DEF8: variants seen among roughly 807,000 people sequenced by gnomAD.
DEF8 encodes the protein DEF-8.
DEF8 carries 38 observed loss-of-function variants against 59.1 expected under a neutral mutation model. That is an observed-to-expected ratio of 0.64 (90% CI 0.50 to 0.84). The LOEUF (loss-of-function observed/expected upper bound fraction) is 0.84, where lower values mean the gene tolerates loss of function less well. DEF8 is among the 40% of genes least tolerant of loss of function. The pLI is 0.00. For missense variants in DEF8, 557 were observed against 615.2 expected, an observed-to-expected ratio of 0.91 and a Z score of 1.00; for synonymous variants, 265 against 250.1, an observed-to-expected ratio of 1.06 and a Z score of -0.56.
At chr16:89,959,366 A>G in intron 6 of DEF8, 2 of 1,434,730 alleles carry the variant, frequency 1.4e-6, no homozygotes, top group African/African-American at 2.9e-5. Flanking sequence ...AGTGAATTAC[A>G]TGGTGTGTCT....
rs1567776448 is a variant in DEF8, at chr16:89,948,870, CGGGGCCGGCGGGGACG to C, written c.-108+60_-108+75del. On this transcript the variant is annotated intron_variant, in intron 1 of 12. Coordinates refer to ENST00000563594, the MANE Select transcript of DEF8 (RefSeq NM_001242818.2). ...CCGGCGGGGACGGGGCCGGCGGGGA[CGGGGCCGGCGGGGACG>C]GGGTCGGCGGGGTCGGGGCTGGGAG... 1.8e-4 allele frequency: 74 copies of C among 415,490 alleles called. 1 individual carries two copies. In the African/African-American group the frequency reaches 3.8e-3, roughly 21 times the overall value. 25.7% of individuals were successfully genotyped at this position (415,490 alleles called of 1,614,324 possible).
At position 89,957,631 on chromosome 16, in the gene DEF8, C is replaced by T. The variant is rs1298883367; in HGVS notation, c.343C>T (p.His115Tyr). ...GAAGGATGCCGTGGTGCGACTCATC[C>T]ACCTCCGGCTGAAGCTCCAGGAGCT... ...KQKDAVVRLI[H>Y]LRLKLQELKD... Residue 115 changes from histidine to tyrosine, a missense_variant, in exon 5 of 13, where the codon CAC becomes TAC. His to Tyr is a moderately conservative substitution (Grantham distance 83). Coordinates refer to ENST00000563594, the MANE Select transcript of DEF8 (RefSeq NM_001242818.2). 2.8e-5 allele frequency: 44 copies of T among 1,571,278 alleles called. No homozygotes were observed. The highest frequency in any genetic ancestry group is 3.5e-5 in the Non-Finnish European group (40 of 1,158,418).
Position 89,962,109 on chromosome 16 carries a change from A to T in DEF8, c.905A>T (p.Glu302Val). ...CCTCTGCTGTTCAGCTACGTGGAGG[A>T]GCTGGTGGAGATTCGCGTGAGGCTG... The part of the protein sequence containing the change: ...INPLLFSYVE[E>V]LVEIRKLRQD... The change falls in exon 9 of 13, where the codon GAG becomes GTG. Residue 302 changes from glutamate to valine, a missense_variant. By Grantham distance (121) the Glu-to-Val change is moderately radical. Transcript: ENST00000563594. The T allele has an allele frequency of 6.2e-7, 1 of 1,612,410 alleles. No individual in the cohort carries two copies. Among genetic ancestry groups the T allele is most frequent in the Non-Finnish European group, 8.5e-7 (1 of 1,179,678 alleles).
At chr16:89,960,277 G>A (rs1367841762) in intron 6 of DEF8, among the ~76,000 whole-genome samples, 1 of 152,162 alleles carries the variant, frequency 6.6e-6, no homozygotes, top group Non-Finnish European at 1.5e-5. Flanking sequence ...TGATTGGGCT[G>A]GGGTAGGTGG....
At chr16:89,963,576 A>T in intron 10 of DEF8, 133 bp downstream of exon 10, 1 of 666,234 alleles carries the variant, frequency 1.5e-6, no homozygotes, top group Non-Finnish European at 2.5e-6. Context: ...CACGGTCCCA[A>T]GGAACAAAGC....
chr16:89,960,873 G>C, intron 6 of DEF8, 58 bp from the exon 7 acceptor site: 1 of 1,568,878 alleles, frequency 6.4e-7, no homozygotes, highest in Non-Finnish European at 8.7e-7. Flanking sequence ...GCTGAGGGTG[G>C]CCTGGGCTGC....
At position 89,954,481 on chromosome 16, in the gene DEF8, C is replaced by T. The variant is rs1374706013; in HGVS notation, c.124+105C>T. On this transcript the variant is annotated intron_variant, in intron 3 of 12. Coordinates refer to ENST00000563594, the MANE Select transcript of DEF8 (RefSeq NM_001242818.2). The surrounding 1 kb of genome is among the most constrained non-coding windows in gnomAD (Gnocchi z 4.3). ...GTCCTGCGCAGCCCTGGCTTTCCCA[C>T]GGAGCCGGCACCTGCTGGCTGTGTT... The T allele has an allele frequency of 1.2e-5, 16 of 1,306,442 alleles. No homozygotes were observed. The highest frequency in any genetic ancestry group is 7.0e-5 in the South Asian group (5 of 71,094). 80.9% of individuals were successfully genotyped at this position (1,306,442 alleles called of 1,614,324 possible). A position where few individuals can be genotyped will look rare whatever the true frequency, so the allele number is the denominator to read the frequency against.
chr16:89,961,984 A>T, intron 8 of DEF8, 28 bp from the exon 9 acceptor site: 1 of 1,612,406 alleles, frequency 6.2e-7, no homozygotes. Flanking sequence ...GGTGGGTGTG[A>T]GAGGTGTCAC....
chr16:89,950,916 G>A (rs2031923248), intron 2 of DEF8, among the ~76,000 whole-genome samples: 1 of 152,188 alleles, frequency 6.6e-6, no homozygotes, highest in South Asian at 2.1e-4. Context: ...AGGAGTTTGA[G>A]GCTGCAGTGA....
chr16:89,963,922 G>A (rs1258505120), intron 10 of DEF8: 1 of 603,090 alleles, frequency 1.7e-6, no homozygotes, highest in Non-Finnish European at 3.1e-6. Context: ...GTGCGGGGAT[G>A]CGGTGTGGCT....
chr16:89,957,669 G>T lies in DEF8; in HGVS notation c.372+9G>T. The T allele has an allele frequency of 6.5e-7, 1 of 1,544,100 alleles. No homozygotes were observed. Among genetic ancestry groups the T allele is most frequent in the African/African-American group, 1.4e-5 (1 of 73,390 alleles). ...AGCTCCAGGAGCTGAAGGTGGGTGT[G>T]GGGCCGCCCCGCCGTGGGGCAGCCT... On this transcript the variant is annotated intron_variant, in intron 5 of 12. Coordinates refer to ENST00000563594, the MANE Select transcript of DEF8 (RefSeq NM_001242818.2).
At chr16:89,948,996 C>CGGCGGGGTCGGGGCT in intron 1 of DEF8, among the ~76,000 whole-genome samples, 182 bp downstream of exon 1, 1 of 59,324 alleles carries the variant, frequency 1.7e-5, no homozygotes, top group Non-Finnish European at 3.0e-5. Flanking sequence ...GGGACGGGGC[C>CGGCGGGGTCGGGGCT]GGCGGGGTCG....
chr16:89,959,743 C>T (rs565264360), intron 6 of DEF8, among the ~76,000 whole-genome samples: 6 of 152,292 alleles, frequency 3.9e-5, no homozygotes, highest in Non-Finnish European at 2.9e-5. Flanking sequence ...GTGTTCCGTC[C>T]ACCTCGGCCT....
At chr16:89,949,025 CCGGCGGGGACGGGGT>C (rs1228161825) in intron 1 of DEF8, among the ~76,000 whole-genome samples, 1 of 52,080 alleles carries the variant, frequency 1.9e-5, no homozygotes, top group Non-Finnish European at 3.4e-5. Flanking sequence ...AGGGACGGGG[CCGGCGGGGACGGGGT>C]CGGCGGGGTC....
At position 89,964,039 on chromosome 16, in the gene DEF8, C is replaced by G. The variant is rs544349413; in HGVS notation, c.1003-131C>G. The G allele has an allele frequency of 5.1e-5, 65 of 1,268,224 alleles. 1 individual carries two copies. In the African/African-American group the frequency reaches 9.0e-4, roughly 18 times the overall value. 78.6% of individuals were successfully genotyped at this position (1,268,224 alleles called of 1,614,324 possible). A position where few individuals can be genotyped will look rare whatever the true frequency, so the allele number is the denominator to read the frequency against. On this transcript the variant is annotated intron_variant, in intron 10 of 12. Transcript: ENST00000563594. The stretch of plus-strand genomic sequence containing the variant: ...CTTCCTGGGGCTCCTGGATTCTACT[C>G]CTGGGGCCCAGACCCTTGTGTAGCT...
In DEF8 at chr16:89,966,927, C is replaced by T. The variant is rs2034634108; in HGVS notation, c.*964C>T. Reference sequence around the variant, plus strand: ...AGCCAATGGCCTTTTGTTTGGGGGCCTGAGGTCAAGAGAGCTGAGAGTATT... The same window carrying T: ...AGCCAATGGCCTTTTGTTTGGGGGCTTGAGGTCAAGAGAGCTGAGAGTATT... On this transcript the variant is annotated 3_prime_UTR_variant, in exon 13 of 13. Coordinates refer to ENST00000563594, the MANE Select transcript of DEF8 (RefSeq NM_001242818.2). The T allele has an allele frequency of 5.2e-6, 1 of 191,528 alleles. No individual in the cohort carries two copies. The highest frequency in any genetic ancestry group is 1.1e-5 in the Non-Finnish European group (1 of 94,300). The allele number at this position is 191,528 out of a possible 1,614,324, so 11.9% of individuals were successfully genotyped here. A position where few individuals can be genotyped will look rare whatever the true frequency, so the allele number is the denominator to read the frequency against.
At chr16:89,965,430 G>A (rs558747905) in intron 12 of DEF8, among the ~76,000 whole-genome samples, 17 of 152,352 alleles carry the variant, frequency 1.1e-4, no homozygotes, top group East Asian at 1.9e-4. Context: ...CGAGCTAGTC[G>A]TTTGCTCAGT....
rs920682781 is a variant in DEF8 at position 89,954,430 on chromosome 16, G to C, written c.124+54G>C. On this transcript the variant is annotated intron_variant, in intron 3 of 12. Coordinates refer to ENST00000563594, the MANE Select transcript of DEF8 (RefSeq NM_001242818.2). This position sits in a 1 kb window ranked among gnomAD's most constrained non-coding sequence, Gnocchi z 4.3. ...GCTGGGCAGGTCTCTGACTGCTTACGTGGACCCCTCCTTTCTTCCTGCCGC... is the reference window on the plus strand; with the variant it reads ...GCTGGGCAGGTCTCTGACTGCTTACCTGGACCCCTCCTTTCTTCCTGCCGC... The C allele has an allele frequency of 1.9e-6, 3 of 1,579,826 alleles. No homozygotes were observed. Among genetic ancestry groups the C allele is most frequent in the Admixed American group, 3.6e-5 (2 of 55,624 alleles).
rs766672741 is a variant in DEF8, at chr16:89,962,101, C to CGT, written c.899_900dup (p.Glu301TrpfsTer17). 1 of 1,613,802 alleles carries CGT rather than the reference C, an allele frequency of 6.2e-7. No homozygotes were observed. The highest frequency in any genetic ancestry group is 1.7e-5 in the Admixed American group (1 of 60,010). ...AGATCAACCCTCTGCTGTTCAGCTA[C>CGT]GTGGAGGAGCTGGTGGAGATTCGCG... On this transcript the variant is annotated frameshift_variant, in exon 9 of 13. Coordinates refer to ENST00000563594, the MANE Select transcript of DEF8 (RefSeq NM_001242818.2). LOFTEE classifies it high-confidence loss of function.
Sources: gnomAD v4.1 joint callset for allele counts (sites outside exome capture counted in the v4.1 genomes callset) on GRCh38, gnomAD v4.1.1 for gene constraint, Gnocchi (gnomAD v3.1) non-coding constraint, MANE v1.5 for transcripts, NCBI Gene and HGNC (gene_info 2026-07-23, HGNC 2026-07-21) for gene names.